OLFM3: variants seen among roughly 807,000 people sequenced by gnomAD.
OLFM3 encodes olfactomedin 3.
Under a neutral mutation model 48.6 loss-of-function variants are expected in OLFM3, and 20 were observed. The ratio of observed to expected loss-of-function variants is 0.41; its 90% CI spans 0.29 to 0.60. The LOEUF (loss-of-function observed/expected upper bound fraction) is 0.60, where lower values mean the gene tolerates loss of function less well. Among genes scored for constraint, OLFM3 ranks in the 20% least tolerant of loss-of-function variants. OLFM3 has a pLI of 0.28. For missense variants in OLFM3, 437 were observed against 544.3 expected, an observed-to-expected ratio of 0.80 and a Z score of 1.96; for synonymous variants, 222 against 198.1, an observed-to-expected ratio of 1.12 and a Z score of -1.01.
chr1:101,802,765 A>G lies in OLFM3; in HGVS notation c.*1473T>C. The G allele has an allele frequency of 6.6e-6, 1 of 151,810 alleles. No individual in the cohort carries two copies. The highest frequency in any genetic ancestry group is 1.5e-5 in the Non-Finnish European group (1 of 67,726). The allele number at this position is 151,810 out of a possible 1,614,324, so 9.4% of individuals were successfully genotyped here. A position where few individuals can be genotyped will look rare whatever the true frequency, so the allele number is the denominator to read the frequency against. ...ATGTATGTGTGAAACTAAACATTTA[A>G]AACAATTTGTTTTATTATTTATTAT... On this transcript the variant is annotated 3_prime_UTR_variant, in exon 6 of 6. Transcript: ENST00000370103.
chr1:101,902,866 G>C (rs529626238), intron 1 of OLFM3, among the ~76,000 whole-genome samples: 3 of 152,158 alleles, frequency 2.0e-5, no homozygotes, highest in Admixed American at 2.0e-4. Flanking sequence ...ATTCAAGGCT[G>C]TCTGTGAGAG....
At chr1:101,940,438 TTATC>T (rs1029735180) in intron 1 of OLFM3, among the ~76,000 whole-genome samples, 20 of 151,980 alleles carry the variant, frequency 1.3e-4, no homozygotes, top group African/African-American at 2.4e-4. Flanking sequence ...TTTAAAATTT[TTATC>T]TATCTATCTT....
intron 1 of OLFM3, among the ~76,000 whole-genome samples, chr1:101,922,007 A>G (rs12127092): frequency 0.36 from 54,315 of 151,846 alleles, 9,870 homozygotes; most frequent in African/African-American, 0.44. Context: ...TGCAGTGAGC[A>G]GAGATAGTGA....
intron 1 of OLFM3, among the ~76,000 whole-genome samples, chr1:101,968,406 C>A (rs909322367): frequency 6.6e-6 from 1 of 151,898 alleles, no homozygotes; most frequent in African/African-American, 2.4e-5. Context: ...CCAATTAACC[C>A]ACAGAATCAT....
At chr1:101,975,902 G>A (rs1660940202) in intron 1 of OLFM3, among the ~76,000 whole-genome samples, 1 of 152,000 alleles carries the variant, frequency 6.6e-6, no homozygotes, top group South Asian at 2.1e-4. Flanking sequence ...ATCAAAGAAA[G>A]AGCACGAAAG....
At chr1:101,896,639 C>A (rs1270189845) in intron 1 of OLFM3, among the ~76,000 whole-genome samples, 1 of 148,880 alleles carries the variant, frequency 6.7e-6, no homozygotes, top group Non-Finnish European at 1.5e-5. Context: ...GGACTACAGG[C>A]GCCGGCCACC....
Position 101,996,923 on chromosome 1 carries a change from G to A in OLFM3, c.-107C>T, listed in dbSNP as rs1297244685. The A allele has an allele frequency of 6.6e-6, 8 of 1,203,564 alleles. No individual in the cohort carries two copies. The highest frequency in any genetic ancestry group is 1.9e-4 in the Middle Eastern group (1 of 5,304). 74.6% of individuals were successfully genotyped at this position (1,203,564 alleles called of 1,614,324 possible). On this transcript the variant is annotated 5_prime_UTR_variant, in exon 1 of 6. Transcript: ENST00000370103. ...CACTTTCTGCCTGCCAGTCAGAGCC[G>A]AGTGGAAGCAGAGGCGGCGGCAGCA...
chr1:101,969,656 A>G (rs1198603315), intron 1 of OLFM3, among the ~76,000 whole-genome samples: 2 of 152,204 alleles, frequency 1.3e-5, no homozygotes, highest in Non-Finnish European at 2.9e-5. Context: ...TTCTATGTCC[A>G]GCAATTCTTA....
At chr1:101,891,966 T>A (rs1346075270) in intron 1 of OLFM3, among the ~76,000 whole-genome samples, 2 of 151,996 alleles carry the variant, frequency 1.3e-5, no homozygotes, top group East Asian at 3.9e-4. Context: ...CTTAAATTCG[T>A]CTTTAGGTAC....
chr1:101,855,176 A>G (rs139292689), intron 1 of OLFM3, among the ~76,000 whole-genome samples: 50 of 152,198 alleles, frequency 3.3e-4, no homozygotes, highest in African/African-American at 1.2e-3. Flanking sequence ...TGCCTGTCCT[A>G]TGTTTTATTG....
chr1:101,900,621 A>C (rs1557723122), intron 1 of OLFM3, among the ~76,000 whole-genome samples: 1 of 152,106 alleles, frequency 6.6e-6, no homozygotes, highest in Non-Finnish European at 1.5e-5. Context: ...AAAGTGAAAG[A>C]AGTGAATCTA....
chr1:101,918,919 T>C (rs1659008574), intron 1 of OLFM3, among the ~76,000 whole-genome samples: 2 of 152,222 alleles, frequency 1.3e-5, no homozygotes, highest in South Asian at 4.1e-4. Context: ...AAGTTTATCA[T>C]ATGCAATTAA....
intron 1 of OLFM3, among the ~76,000 whole-genome samples, chr1:101,901,859 A>C (rs1658397772): frequency 6.6e-6 from 1 of 152,090 alleles, no homozygotes; most frequent in Admixed American, 6.6e-5. Flanking sequence ...ATTTGATTTA[A>C]ATGCTACAGG....
intron 1 of OLFM3, among the ~76,000 whole-genome samples, chr1:101,968,257 G>A (rs1375626512): frequency 2.6e-5 from 4 of 152,074 alleles, no homozygotes; most frequent in Non-Finnish European, 4.4e-5. Context: ...AGTTTGAATG[G>A]TCCCATCACA....
intron 1 of OLFM3, among the ~76,000 whole-genome samples, chr1:101,848,952 G>A (rs1656120242): frequency 6.6e-6 from 1 of 152,202 alleles, no homozygotes; most frequent in African/African-American, 2.4e-5. Context: ...AATGTCAGGG[G>A]AAAACAGTGC....
chr1:101,994,960 G>A (rs968935477), intron 1 of OLFM3, among the ~76,000 whole-genome samples: 2 of 151,948 alleles, frequency 1.3e-5, no homozygotes, highest in Non-Finnish European at 2.9e-5. Context: ...AACTAGAAAA[G>A]ATTATATTGA....
chr1:101,991,026 T>TATATATA (rs1661393359), intron 1 of OLFM3, among the ~76,000 whole-genome samples: 1 of 91,514 alleles, frequency 1.1e-5, no homozygotes, highest in South Asian at 3.8e-4. Flanking sequence ...AATATATATA[T>TATATATA]ATATATATAT....
chr1:101,874,056 C>T (rs1657194942), intron 1 of OLFM3, among the ~76,000 whole-genome samples: 1 of 151,892 alleles, frequency 6.6e-6, no homozygotes, highest in Non-Finnish European at 1.5e-5. Context: ...GCAGACTGGC[C>T]TAAGAGCAGG....
At chr1:101,815,620 AAT>A (rs376565586) in intron 4 of OLFM3, among the ~76,000 whole-genome samples, 2 of 152,278 alleles carry the variant, frequency 1.3e-5, no homozygotes, top group Admixed American at 6.5e-5. Flanking sequence ...CTCAAAAAAA[AAT>A]AATCAAAGAT....
Sources: allele counts gnomAD v4.1 joint callset (sites outside exome capture counted in the v4.1 genomes callset), GRCh38; gene constraint gnomAD v4.1.1; transcripts MANE v1.5; gene names NCBI Gene and HGNC (gene_info 2026-07-23, HGNC 2026-07-21).